The following VPS13A variants were observed in gnomAD, a reference collection of about 807,000 sequenced individuals.
VPS13A encodes intermembrane lipid transfer protein VPS13A.
In VPS13A, 264 loss-of-function variants were observed where a neutral mutation model predicts 390.9. That is an observed-to-expected ratio of 0.68 (90% CI 0.61 to 0.75). The LOEUF (loss-of-function observed/expected upper bound fraction) is 0.75. Among genes scored for constraint, VPS13A ranks in the 30% least tolerant of loss-of-function variants. VPS13A has a pLI of 0.00. For missense variants in VPS13A, 3,409 were observed against 3,733.9 expected, an observed-to-expected ratio of 0.91 and a Z score of 2.27; for synonymous variants, 1,231 against 1,227.1, an observed-to-expected ratio of 1.00 and a Z score of -0.07.
chr9:77,396,483 A>G (rs1834124718), intron 68 of VPS13A, among the ~76,000 whole-genome samples: 1 of 152,208 alleles, frequency 6.6e-6, no homozygotes, highest in Admixed American at 6.5e-5. Context: ...CTTACCTCAG[A>G]CAAGGTAAGC....
chr9:77,215,135 G>A (rs1822782268), intron 10 of VPS13A, among the ~76,000 whole-genome samples: 1 of 152,104 alleles, frequency 6.6e-6, no homozygotes, highest in Non-Finnish European at 1.5e-5. Flanking sequence ...GTGAGACTCC[G>A]TCTCTACAAA....
chr9:77,321,134 AT>A (rs1296532807), intron 42 of VPS13A, 34 bp from the exon 43 acceptor site: 2 of 1,587,520 alleles, frequency 1.3e-6, no homozygotes. Context: ...TGTTCTTAGA[AT>A]TTTTCCTTAT....
chr9:77,391,385 A>G (rs1833890452), intron 68 of VPS13A, among the ~76,000 whole-genome samples: 1 of 152,212 alleles, frequency 6.6e-6, no homozygotes, highest in South Asian at 2.1e-4. Context: ...TGCCGAATGA[A>G]AGTTATCATG....
At chr9:77,238,816 T>C (rs1319853134) in intron 19 of VPS13A, among the ~76,000 whole-genome samples, 1 of 152,200 alleles carries the variant, frequency 6.6e-6, no homozygotes, top group African/African-American at 2.4e-5. Flanking sequence ...GTAAAACCAC[T>C]TGGTTTTGGA....
chr9:77,273,525 A>C (rs1004465223), intron 24 of VPS13A, among the ~76,000 whole-genome samples, 161 bp downstream of exon 24: 1 of 152,216 alleles, frequency 6.6e-6, no homozygotes, highest in Admixed American at 6.5e-5. Context: ...ACAGATTAAC[A>C]TGAGAAAACA....
chr9:77,336,346 G>A (rs1236835194), intron 46 of VPS13A, among the ~76,000 whole-genome samples: 2 of 151,144 alleles, frequency 1.3e-5, no homozygotes, highest in African/African-American at 4.9e-5. Context: ...AGAACCTAAA[G>A]TATAATTAAA....
chr9:77,308,054 G>T lies in VPS13A; in HGVS notation c.4070G>T (p.Ser1357Ile), dbSNP rs140238345. ...CCTGCTGTAACAAAAGACCAATACA[G>T]TGCCACTAGTGGAGTTACTACTAAT... ...ASPAVTKDQY[S>I]ATSGVTTNAS... The change falls in exon 35 of 72, where the codon AGT becomes ATT. Residue 1357 changes from serine to isoleucine, a missense_variant. Around this residue, in one of 5 missense-constraint regions of VPS13A, gnomAD observed 2,717 missense variants for 2,917.4 expected, o/e 0.93. Coordinates refer to ENST00000360280, the MANE Select transcript of VPS13A (RefSeq NM_033305.3). 40 of 1,613,784 alleles carry T rather than the reference G, an allele frequency of 2.5e-5. No individual in the cohort carries two copies. In the African/African-American group the frequency reaches 4.0e-4, roughly 16 times the overall value.
chr9:77,296,960 T>C (rs1225906054), intron 33 of VPS13A, among the ~76,000 whole-genome samples: 1 of 152,192 alleles, frequency 6.6e-6, no homozygotes, highest in East Asian at 1.9e-4. Context: ...ATGCTCCTTA[T>C]TTATTAATAT....
At chr9:77,221,390 A>G (rs758126031) in intron 13 of VPS13A, 34 bp downstream of exon 13, 11 of 1,608,154 alleles carry the variant, frequency 6.8e-6, no homozygotes, top group South Asian at 1.1e-5. Context: ...TGAGTGTTTT[A>G]TACTACATAG....
At chr9:77,259,283 A>T (rs1211035944) in intron 22 of VPS13A, among the ~76,000 whole-genome samples, 2 of 152,084 alleles carry the variant, frequency 1.3e-5, no homozygotes, top group Non-Finnish European at 2.9e-5. Flanking sequence ...CAACTTGCAG[A>T]TTTTTCAAGA....
At chr9:77,304,898 T>C (rs1211978813) in intron 34 of VPS13A, among the ~76,000 whole-genome samples, 1 of 152,240 alleles carries the variant, frequency 6.6e-6, no homozygotes, top group East Asian at 1.9e-4. Context: ...AAAATTTTAT[T>C]GATTATGAGA....
intron 35 of VPS13A, among the ~76,000 whole-genome samples, chr9:77,308,703 G>T (rs1044429005): frequency 6.6e-6 from 1 of 152,146 alleles, no homozygotes; most frequent in East Asian, 1.9e-4. Flanking sequence ...CGCATACAGA[G>T]GGTCAGTTAG....
intron 1 of VPS13A, among the ~76,000 whole-genome samples, chr9:77,199,080 A>G (rs1825174773): frequency 6.6e-6 from 1 of 152,126 alleles, no homozygotes; most frequent in South Asian, 2.1e-4. Flanking sequence ...TTTGCTAATT[A>G]CTTTCTATGT....
intron 1 of VPS13A, among the ~76,000 whole-genome samples, chr9:77,198,806 G>A (rs1322582692): frequency 2.0e-5 from 3 of 152,118 alleles, no homozygotes; most frequent in Non-Finnish European, 4.4e-5. Flanking sequence ...TGGGATTACA[G>A]GCATGCACCA....
intron 71 of VPS13A, among the ~76,000 whole-genome samples, chr9:77,413,235 G>A (rs1020530711): frequency 1.3e-4 from 20 of 152,106 alleles, no homozygotes; most frequent in African/African-American, 4.6e-4. Flanking sequence ...CACAGAATTG[G>A]AAAAAACTAA....
At chr9:77,177,946 G>A in intron 1 of VPS13A, 142 bp downstream of exon 1, 1 of 683,694 alleles carries the variant, frequency 1.5e-6, no homozygotes, top group South Asian at 1.7e-5. Context: ...TGTGGGTCAA[G>A]TTACGTAAAG....
chr9:77,227,598 C>A, intron 16 of VPS13A, 113 bp downstream of exon 16: 2 of 802,968 alleles, frequency 2.5e-6, no homozygotes, highest in South Asian at 3.3e-5. Context: ...TCTCTGCTGC[C>A]AGCCTTAACC....
At chr9:77,388,534 AAC>A (rs60329496) in intron 68 of VPS13A, among the ~76,000 whole-genome samples, 8,832 of 152,234 alleles carry the variant, frequency 0.058, 363 homozygotes, top group South Asian at 0.12. Context: ...TCAATTTTAA[AAC>A]ACACGTTTAA....
chr9:77,413,071 A>G (rs1293183632), intron 71 of VPS13A, among the ~76,000 whole-genome samples: 1 of 152,234 alleles, frequency 6.6e-6, no homozygotes, highest in Non-Finnish European at 1.5e-5. Flanking sequence ...GAGAACTACA[A>G]ACCACTGCTC....
Sources: gnomAD v4.1 joint callset for allele counts (sites outside exome capture counted in the v4.1 genomes callset) on GRCh38, gnomAD v4.1.1 for gene constraint, gnomAD v4.1.1 regional missense constraint, MANE v1.5 for transcripts, NCBI Gene and HGNC (gene_info 2026-07-23, HGNC 2026-07-21) for gene names.